Variants in MGAT5 observed in about 807,000 individuals in gnomAD.
MGAT5 encodes the protein alpha-1,6-mannosylglycoprotein 6-beta-N-acetylglucosaminyltransferase.
MGAT5 carries 30 observed loss-of-function variants against 94.3 expected under a neutral mutation model. The observed-to-expected ratio is 0.32, with a 90% CI of 0.24 to 0.43. MGAT5 has a LOEUF of 0.43. Among genes scored for constraint, MGAT5 ranks in the 20% least tolerant of loss-of-function variants. The probability of loss-of-function intolerance (pLI) is 1.00; values close to 1 mark genes in which losing one functional copy is unlikely to be tolerated. For synonymous variants in MGAT5, 310 were observed against 322.9 expected (o/e 0.96, Z 0.43); for missense variants, 691 against 905.5 (o/e 0.76, Z 3.04).
intron 1 of MGAT5, among the ~76,000 whole-genome samples, chr2:134,163,098 A>T (rs1032574921): frequency 9.2e-5 from 14 of 152,242 alleles, no homozygotes; most frequent in African/African-American, 3.1e-4. Context: ...TCTGCTTAGG[A>T]GAGTTACTAC....
At chr2:134,280,278 C>G (rs1202736282) in intron 2 of MGAT5, among the ~76,000 whole-genome samples, 6 of 152,266 alleles carry the variant, frequency 3.9e-5, no homozygotes, top group African/African-American at 1.4e-4. Context: ...CAGTTCAGGA[C>G]AGCAGAAATA....
chr2:134,199,231 A>C (rs1469886813), intron 1 of MGAT5, among the ~76,000 whole-genome samples: 1 of 152,120 alleles, frequency 6.6e-6, no homozygotes, highest in Non-Finnish European at 1.5e-5. Context: ...TTAATTGCAC[A>C]TCTTTGCCTC....
intron 1 of MGAT5, among the ~76,000 whole-genome samples, chr2:134,177,426 C>T (rs974939899): frequency 1.3e-5 from 2 of 152,106 alleles, no homozygotes; most frequent in Non-Finnish European, 2.9e-5. Flanking sequence ...CTGTGGTTAG[C>T]GTCACTTTCT....
chr2:134,441,934 G>T lies in MGAT5; in HGVS notation c.2027+19G>T. 6.2e-7 allele frequency: 1 copy of T among 1,608,496 alleles called. No homozygotes were observed. The highest frequency in any genetic ancestry group is 8.5e-7 in the Non-Finnish European group (1 of 1,175,822). On this transcript the variant is annotated intron_variant, in intron 15 of 15. Transcript: ENST00000281923. ...TGCTGAAGTAAGTGCCCTGGGGTGG[G>T]GGTGGGGACTCAGCCCCTAGACTCC...
intron 9 of MGAT5, among the ~76,000 whole-genome samples, chr2:134,360,091 TC>T: frequency 6.6e-6 from 1 of 152,174 alleles, no homozygotes; most frequent in Non-Finnish European, 1.5e-5. Flanking sequence ...TCACCTGAGG[TC>T]CTTGAAACCA....
At chr2:134,390,745 G>A (rs760051277) in intron 10 of MGAT5, among the ~76,000 whole-genome samples, 22 of 141,848 alleles carry the variant, frequency 1.6e-4, no homozygotes, top group Non-Finnish European at 2.6e-4. Flanking sequence ...TAACCCTCCC[G>A]CCCCCAAATC....
At chr2:134,205,695 C>T (rs1679993976) in intron 1 of MGAT5, among the ~76,000 whole-genome samples, 1 of 152,136 alleles carries the variant, frequency 6.6e-6, no homozygotes, top group Non-Finnish European at 1.5e-5. Flanking sequence ...AATTTGAGAG[C>T]CTCCACTTAC....
chr2:134,135,398 A>T (rs574759654), intron 1 of MGAT5, among the ~76,000 whole-genome samples: 42 of 152,250 alleles, frequency 2.8e-4, no homozygotes, highest in African/African-American at 9.6e-4. Context: ...AAGCATTTTT[A>T]AAGAAAGCAA....
At chr2:134,433,784 A>G (rs1202403036) in intron 14 of MGAT5, among the ~76,000 whole-genome samples, 1 of 150,856 alleles carries the variant, frequency 6.6e-6, no homozygotes, top group Non-Finnish European at 1.5e-5. Context: ...CAAATAGCTG[A>G]CCGAACGGGA....
chr2:134,223,308 TGG>T (rs1329943228), intron 1 of MGAT5, among the ~76,000 whole-genome samples: 1 of 152,202 alleles, frequency 6.6e-6, no homozygotes, highest in Non-Finnish European at 1.5e-5. Flanking sequence ...CATTTGTCCC[TGG>T]GCGTAGAGCA....
chr2:134,282,323 G>A (rs577676004), intron 2 of MGAT5, among the ~76,000 whole-genome samples: 6 of 152,246 alleles, frequency 3.9e-5, no homozygotes, highest in African/African-American at 1.4e-4. Context: ...AGGCACCTGG[G>A]GATTAATTTA....
At chr2:134,133,059 T>C (rs1260835507) in intron 1 of MGAT5, among the ~76,000 whole-genome samples, 1 of 152,264 alleles carries the variant, frequency 6.6e-6, no homozygotes, top group Admixed American at 6.5e-5. Context: ...TATTTATTCA[T>C]TAGATCCCGG....
intron 10 of MGAT5, among the ~76,000 whole-genome samples, chr2:134,364,153 C>T (rs1415120405): frequency 6.6e-6 from 1 of 152,160 alleles, no homozygotes; most frequent in Non-Finnish European, 1.5e-5. Context: ...ATTTTGGTCA[C>T]CTGTTTTAGA....
At chr2:134,293,850 C>G (rs1685519217) in intron 2 of MGAT5, among the ~76,000 whole-genome samples, 1 of 152,184 alleles carries the variant, frequency 6.6e-6, no homozygotes, top group Non-Finnish European at 1.5e-5. Flanking sequence ...GCTCCCAGGT[C>G]TGCGACTATG....
intron 1 of MGAT5, among the ~76,000 whole-genome samples, chr2:134,170,448 C>T (rs935202260): frequency 1.3e-5 from 2 of 152,182 alleles, no homozygotes; most frequent in Non-Finnish European, 2.9e-5. Flanking sequence ...AGCCTGTTCT[C>T]CTAAGTTGCC....
chr2:134,427,838 A>C (rs1295433623), intron 13 of MGAT5, among the ~76,000 whole-genome samples: 2 of 152,238 alleles, frequency 1.3e-5, no homozygotes, highest in African/African-American at 4.8e-5. Context: ...CCTCACCTAC[A>C]AATACAGACC....
At chr2:134,250,768 G>A (rs745756814), upstream of MGAT5, among the ~76,000 whole-genome samples, 25 of 152,236 alleles carry the variant, frequency 1.6e-4, no homozygotes, top group South Asian at 8.3e-4. Context: ...TCTGAACTCC[G>A]CATAGCTAGG....
chr2:134,287,878 G>C (rs997791797), intron 2 of MGAT5, among the ~76,000 whole-genome samples: 1 of 152,150 alleles, frequency 6.6e-6, no homozygotes, highest in African/African-American at 2.4e-5. Context: ...GAATATTCCT[G>C]TCTTACATCC....
chr2:134,194,203 TG>T (rs1679383497), intron 1 of MGAT5, among the ~76,000 whole-genome samples: 1 of 152,246 alleles, frequency 6.6e-6, no homozygotes, highest in African/African-American at 2.4e-5. Flanking sequence ...TTGCTAGTAT[TG>T]TTATAAATCT....
Sources: gnomAD v4.1 joint callset for allele counts (sites outside exome capture counted in the v4.1 genomes callset) on GRCh38, gnomAD v4.1.1 for gene constraint, MANE v1.5 for transcripts, NCBI Gene and HGNC (gene_info 2026-07-23, HGNC 2026-07-21) for gene names.